Variants in RC3H1 observed in about 807,000 individuals in gnomAD.
RC3H1 encodes the protein roquin-1.
Under a neutral mutation model 138.2 loss-of-function variants are expected in RC3H1, and 50 were observed. The ratio of observed to expected loss-of-function variants is 0.36; its 90% confidence interval spans 0.29 to 0.46. RC3H1 has a LOEUF of 0.46. RC3H1 is among the 20% of genes least tolerant of loss of function. RC3H1 has a pLI of 1.00. For synonymous variants in RC3H1, 462 were observed against 489.1 expected (o/e 0.94, Z 0.73); for missense variants, 1,031 against 1,388.1 (o/e 0.74, Z 4.09).
At chr1:174,020,913 G>C (rs1183953302) in intron 1 of RC3H1, among the ~76,000 whole-genome samples, 1 of 152,162 alleles carries the variant, frequency 6.6e-6, no homozygotes, top group Non-Finnish European at 1.5e-5. Flanking sequence ...GGATGGTGAG[G>C]CAGGAGAATC....
intron 1 of RC3H1, among the ~76,000 whole-genome samples, chr1:174,016,974 G>A (rs1202957916): frequency 1.3e-5 from 2 of 152,170 alleles, no homozygotes; most frequent in African/African-American, 2.4e-5. Context: ...CAGGTATAGG[G>A]CCAAGATCAA....
intron 7 of RC3H1, among the ~76,000 whole-genome samples, chr1:173,977,049 A>G (rs959019797): frequency 1.3e-5 from 2 of 151,576 alleles, no homozygotes; most frequent in Non-Finnish European, 2.9e-5. Flanking sequence ...CAGCCTCCCG[A>G]GTAGCTGGGA....
intron 10 of RC3H1, among the ~76,000 whole-genome samples, chr1:173,964,610 G>A (rs973655610): frequency 6.6e-5 from 10 of 150,802 alleles, no homozygotes; most frequent in African/African-American, 2.2e-4. Flanking sequence ...CAAGTGACCC[G>A]TCCACCTCAG....
chr1:173,944,126 T>G (rs867710558), intron 17 of RC3H1, among the ~76,000 whole-genome samples: 1 of 148,446 alleles, frequency 6.7e-6, no homozygotes, highest in African/African-American at 2.5e-5. Context: ...ATCATGCCAC[T>G]GCACTCCATG....
chr1:173,989,081 C>T (rs942740115), intron 2 of RC3H1, among the ~76,000 whole-genome samples: 16 of 152,234 alleles, frequency 1.1e-4, no homozygotes, highest in African/African-American at 3.6e-4. Context: ...CAAGCTACAG[C>T]GTAGTGCTGC....
At chr1:174,007,293 G>C (rs1463652747) in intron 1 of RC3H1, among the ~76,000 whole-genome samples, 1 of 151,950 alleles carries the variant, frequency 6.6e-6, no homozygotes, top group Non-Finnish European at 1.5e-5. Context: ...GGGAGGCTGA[G>C]GCAGGAGAAT....
chr1:173,964,181 T>C lies in RC3H1; in HGVS notation c.1623A>G (p.Glu541=). 6.2e-7 allele frequency: 1 copy of C among 1,610,174 alleles called. No individual in the cohort carries two copies. Among genetic ancestry groups the C allele is most frequent in the Non-Finnish European group, 8.5e-7 (1 of 1,176,406 alleles). Residue 541 remains glutamate, a synonymous_variant, in exon 11 of 20, where the codon GAA becomes GAG. Coordinates refer to ENST00000367696, the MANE Select transcript of RC3H1 (RefSeq NM_172071.4). The part of the protein sequence containing the change: ...SAPGSPPDLL[E]SVPKSISALP... The stretch of plus-strand genomic sequence containing the variant: ...AGGCAGAAATACTCTTAGGAACAGA[T>C]TCTAGCCTAAGGGAATAATATTATG...
At chr1:174,005,250 C>T (rs1488527582) in intron 1 of RC3H1, among the ~76,000 whole-genome samples, 1 of 152,132 alleles carries the variant, frequency 6.6e-6, no homozygotes, top group Non-Finnish European at 1.5e-5. Context: ...AAAACCAGTC[C>T]TAATTTGAGC....
At chr1:173,981,177 C>T (rs1660800046) in intron 5 of RC3H1, among the ~76,000 whole-genome samples, 168 bp from the exon 6 acceptor site, 1 of 152,292 alleles carries the variant, frequency 6.6e-6, no homozygotes, top group Admixed American at 6.5e-5. Context: ...AGGTATATTG[C>T]TATCATCCCA....
rs1658572919 is a variant in RC3H1 at position 173,936,141 on chromosome 1, A to G, written c.*2580T>C. ...GTATTTAAAGGAAATGAGAACAAGA[A>G]TAACAGAAACTGAGTTACTAAGGGG... On this transcript the variant is annotated 3_prime_UTR_variant, in exon 20 of 20. Coordinates refer to ENST00000367696, the MANE Select transcript of RC3H1 (RefSeq NM_172071.4). 2 of 152,254 alleles carry G rather than the reference A, an allele frequency of 1.3e-5. No individual in the cohort carries two copies. The highest frequency in any genetic ancestry group is 2.1e-4 in the South Asian group (1 of 4,836). The allele number at this position is 152,254 out of a possible 1,614,324, so 9.4% of individuals were successfully genotyped here.
chr1:173,986,319 T>C (rs767969497), intron 2 of RC3H1, among the ~76,000 whole-genome samples: 11 of 152,178 alleles, frequency 7.2e-5, no homozygotes, highest in Non-Finnish European at 1.6e-4. Context: ...CCTAATGTTC[T>C]TTCTCAGTTT....
intron 19 of RC3H1, among the ~76,000 whole-genome samples, chr1:173,939,875 A>T (rs960592966): frequency 9.2e-5 from 14 of 152,112 alleles, no homozygotes; most frequent in Non-Finnish European, 2.1e-4. Flanking sequence ...TGCATGAATT[A>T]AAAAAACAGT....
intron 2 of RC3H1, among the ~76,000 whole-genome samples, chr1:173,987,547 C>T (rs575154490): frequency 4.9e-4 from 75 of 152,236 alleles, no homozygotes; most frequent in African/African-American, 1.7e-3. Flanking sequence ...AGACTCATTT[C>T]GTGTATTTCC....
At chr1:174,004,446 G>T (rs891498290) in intron 1 of RC3H1, among the ~76,000 whole-genome samples, 1 of 151,782 alleles carries the variant, frequency 6.6e-6, no homozygotes, top group East Asian at 1.9e-4. Context: ...ACACAAATAC[G>T]TATGTTATCC....
intron 6 of RC3H1, 97 bp downstream of exon 6, chr1:173,980,712 C>G (rs1557940910): frequency 3.4e-5 from 27 of 783,184 alleles, no homozygotes; most frequent in Non-Finnish European, 2.0e-6. Context: ...ATACAATTTA[C>G]AAAAGCTATA....
intron 1 of RC3H1, among the ~76,000 whole-genome samples, chr1:174,005,275 A>T (rs1452377221): frequency 6.6e-6 from 1 of 152,166 alleles, no homozygotes; most frequent in Non-Finnish European, 1.5e-5. Flanking sequence ...AGATGATTGT[A>T]GCTACACAAG....
intron 1 of RC3H1, among the ~76,000 whole-genome samples, chr1:174,018,433 G>C (rs546343082): frequency 6.6e-6 from 1 of 152,298 alleles, no homozygotes; most frequent in East Asian, 1.9e-4. Flanking sequence ...CTAAAGTTAA[G>C]TGTCTGGGGG....
rs1217100280 is a variant in RC3H1 at position 173,984,499 on chromosome 1, C to T, written c.352G>A (p.Gly118Arg). The change falls in exon 3 of 20, where the codon GGA becomes AGA. Residue 118 changes from glycine to arginine, a missense_variant and splice_region_variant. Gly to Arg is a moderately radical substitution (Grantham distance 125, BLOSUM62 -2). Around this residue, in one of 7 missense-constraint regions of RC3H1, gnomAD observed 80 missense variants for 81.1 expected, o/e 0.99. Coordinates refer to ENST00000367696, the MANE Select transcript of RC3H1 (RefSeq NM_172071.4). ...AAATAAGAAACAAAAACAAACTTACCTCTAGCACTGCTGAGCGGTTTTAAG... is the reference window on the plus strand; with the variant it reads ...AAATAAGAAACAAAAACAAACTTACTTCTAGCACTGCTGAGCGGTTTTAAG... Reference protein sequence around the residue: ...LYLKPLSSARGVGLNSTTQSV... With the variant: ...LYLKPLSSARRVGLNSTTQSV... The T allele has an allele frequency of 1.2e-6, 2 of 1,612,844 alleles. No homozygotes were observed. Among genetic ancestry groups the T allele is most frequent in the East Asian group, 4.5e-5 (2 of 44,820 alleles).
intron 13 of RC3H1, among the ~76,000 whole-genome samples, chr1:173,957,051 T>C (rs1222398329): frequency 2.6e-5 from 4 of 151,976 alleles, no homozygotes; most frequent in Non-Finnish European, 4.4e-5. Flanking sequence ...GTAGCTGGGA[T>C]TACAGGCGCC....
Sources: allele counts gnomAD v4.1 joint callset (sites outside exome capture counted in the v4.1 genomes callset), GRCh38; gene constraint gnomAD v4.1.1; regional missense constraint gnomAD v4.1.1; transcripts MANE v1.5; gene names NCBI Gene and HGNC (gene_info 2026-07-23, HGNC 2026-07-21).